Variants in BBS4 observed in about 807,000 individuals in gnomAD.
BBS4 encodes the protein BBSome complex member BBS4.
A neutral mutation model predicts 71.4 loss-of-function variants in BBS4; 58 were observed. That is an observed-to-expected ratio of 0.81 (90% CI 0.66 to 1.01). The LOEUF (loss-of-function observed/expected upper bound fraction) is 1.01. Among genes scored for constraint, BBS4 ranks in the 50% least tolerant of loss-of-function variants. The pLI is 0.00. For missense variants in BBS4, 660 were observed against 607.9 expected (o/e 1.09, Z -0.90); for synonymous variants, 228 against 216.8 (o/e 1.05, Z -0.46).
chr15:72,733,461 G>C (rs1465138643), intron 12 of BBS4, among the ~76,000 whole-genome samples: 1 of 152,098 alleles, frequency 6.6e-6, no homozygotes, highest in Non-Finnish European at 1.5e-5. Context: ...GTAAGCTCCA[G>C]TGTCTGTTTC....
chr15:72,703,604 T>C (rs1041434014), intron 2 of BBS4, among the ~76,000 whole-genome samples: 1 of 152,132 alleles, frequency 6.6e-6, no homozygotes, highest in Non-Finnish European at 1.5e-5. Context: ...GGGGGATAAA[T>C]GGAGGCCCAG....
At chr15:72,705,722 G>A (rs2065253608) in intron 2 of BBS4, among the ~76,000 whole-genome samples, 1 of 149,990 alleles carries the variant, frequency 6.7e-6, no homozygotes, top group Non-Finnish European at 1.5e-5. Context: ...CTCCTGAGTA[G>A]CTGGGACTAC....
intron 1 of BBS4, 110 bp from the exon 2 acceptor site, chr15:72,695,067 A>C (rs1221144210): frequency 1.3e-6 from 1 of 754,074 alleles, no homozygotes; most frequent in Non-Finnish European, 2.3e-6. Context: ...GATTTAATGG[A>C]TTAATTGCAT....
chr15:72,723,391 A>G (rs559943667), intron 7 of BBS4, among the ~76,000 whole-genome samples: 77 of 152,364 alleles, frequency 5.1e-4, no homozygotes, highest in Admixed American at 8.5e-4. Context: ...GCTTACCTCA[A>G]ATTTGGTACT....
At chr15:72,716,743 T>TA in intron 5 of BBS4, 35 bp from the exon 6 acceptor site, 1 of 1,470,606 alleles carries the variant, frequency 6.8e-7, no homozygotes, top group Non-Finnish European at 9.5e-7. Context: ...CTAAGAATTT[T>TA]GAGGTAATAA....
chr15:72,724,134 GA>G (rs1293207162), intron 7 of BBS4, among the ~76,000 whole-genome samples: 1 of 152,168 alleles, frequency 6.6e-6, no homozygotes, highest in East Asian at 1.9e-4. Context: ...CATTGATGGG[GA>G]AACCTGGCCC....
intron 1 of BBS4, among the ~76,000 whole-genome samples, chr15:72,688,430 T>TTTTTTC: frequency 6.9e-6 from 1 of 144,604 alleles, no homozygotes; most frequent in South Asian, 2.2e-4. Context: ...TTTTTTTTTT[T>TTTTTTC]TGAGACGGAG....
chr15:72,715,322 A>G lies in BBS4; in HGVS notation c.252A>G (p.Gln84=). The G allele has an allele frequency of 6.2e-7, 1 of 1,613,882 alleles. No individual in the cohort carries two copies. The highest frequency in any genetic ancestry group is 1.3e-5 in the African/African-American group (1 of 75,044). ...ALIFRLEGNI[Q]ESLELFQTCA... is the part of the protein sequence containing the mutation. The stretch of plus-strand genomic sequence containing the variant: ...TATTTCGCCTAGAAGGAAATATCCA[A>G]GAATCCCTAGAACTCTTCCAGACAT... The change falls in exon 5 of 16, where the codon CAA becomes CAG. Residue 84 remains glutamine (Q), a synonymous_variant. Coordinates refer to ENST00000268057, the MANE Select transcript of BBS4 (RefSeq NM_033028.5).
intron 6 of BBS4, among the ~76,000 whole-genome samples, chr15:72,721,424 T>C (rs2065573596): frequency 6.6e-6 from 1 of 152,084 alleles, no homozygotes; most frequent in African/African-American, 2.4e-5. Context: ...CCTAATTCTG[T>C]CTGCACTTAC....
chr15:72,687,123 A>ATTTTTTTTTTTTTTTTTTTTTTTT lies in BBS4; in HGVS notation c.24+872_24+873insTTTTTTTTTTTTTTTTTTTTTTTT, dbSNP rs1491389178. 1.7e-4 allele frequency among the ~76,000 whole-genome samples: 2 copies of ATTTTTTTTTTTTTTTTTTTTTTTT among 11,982 alleles called. 1 individual carries two copies. The highest frequency in any genetic ancestry group is 3.1e-4 in the African/African-American group (2 of 6,472). 7.9% of individuals were successfully genotyped at this position (11,982 alleles called of 152,430 possible). A position where few individuals can be genotyped will look rare whatever the true frequency, so the allele number is the denominator to read the frequency against. On this transcript the variant is annotated intron_variant, in intron 1 of 15. Coordinates refer to ENST00000268057, the MANE Select transcript of BBS4 (RefSeq NM_033028.5). ...TAATTAGAAAACTCTGAAGACAGAA[A>ATTTTTTTTTTTTTTTTTTTTTTTT]CTTTTTTTTTTGAGACGGAGTGTCG...
At chr15:72,709,559 A>T in intron 2 of BBS4, 141 bp from the exon 3 acceptor site, 5 of 691,526 alleles carry the variant, frequency 7.2e-6, no homozygotes, top group Non-Finnish European at 1.0e-5. Flanking sequence ...TTGATGCACT[A>T]TAATATATTA....
chr15:72,738,407 T>G lies in BBS4; in HGVS notation c.*820T>G, dbSNP rs1278483504. 5.0e-6 allele frequency: 2 copies of G among 397,956 alleles called. No individual in the cohort carries two copies. Among genetic ancestry groups the G allele is most frequent in the African/African-American group, 2.1e-5 (1 of 47,592 alleles). The allele number at this position is 397,956 out of a possible 1,614,324, so 24.7% of individuals were successfully genotyped here. On this transcript the variant is annotated 3_prime_UTR_variant, in exon 16 of 16. Coordinates refer to ENST00000268057, the MANE Select transcript of BBS4 (RefSeq NM_033028.5). The stretch of plus-strand genomic sequence containing the variant: ...TAGAATAAAGATTACATATCATCAT[T>G]CCTTTGGGGAAAATTGTTATTCAGG...
At chr15:72,707,851 A>AT (rs1346105660) in intron 2 of BBS4, among the ~76,000 whole-genome samples, 1 of 152,066 alleles carries the variant, frequency 6.6e-6, no homozygotes, top group East Asian at 1.9e-4. Flanking sequence ...ACTCAACTAG[A>AT]TTTTTTTCAT....
intron 1 of BBS4, chr15:72,686,500 G>T (rs1439241196): frequency 6.6e-7 from 1 of 1,521,154 alleles, no homozygotes; most frequent in Admixed American, 2.0e-5. Flanking sequence ...ACGGAGAAGG[G>T]AGACTTTTCA....
At chr15:72,692,211 C>A (rs1001123628) in intron 1 of BBS4, among the ~76,000 whole-genome samples, 1 of 150,390 alleles carries the variant, frequency 6.6e-6, no homozygotes, top group African/African-American at 2.5e-5. Context: ...TTATTACTTA[C>A]AGGAAACTAT....
intron 4 of BBS4, among the ~76,000 whole-genome samples, chr15:72,713,657 A>G (rs1387071193): frequency 6.6e-6 from 1 of 152,230 alleles, no homozygotes; most frequent in Non-Finnish European, 1.5e-5. Flanking sequence ...GTAATTGTAT[A>G]TGCTGTACTT....
In BBS4 at chr15:72,710,195, GTTTTT is replaced by G. The variant is rs66684005; in HGVS notation, c.156+437_156+441del. On this transcript the variant is annotated intron_variant, in intron 3 of 15. Transcript: ENST00000268057. ...TAGATGAAAAATGGTATTTTGTCGA[GTTTTT>G]TTTTTTTTTTTTTTTTTTTTGAGAT... is the stretch of plus-strand genomic sequence containing the variant. Among the ~76,000 whole-genome samples the G allele has an allele frequency of 1.5e-3, 157 of 103,442 alleles. 6 individuals are homozygous for G. Among genetic ancestry groups the G allele is most frequent in the African/African-American group, 3.3e-3 (90 of 27,242 alleles). The allele number at this position is 103,442 out of a possible 152,430, so 67.9% of individuals were successfully genotyped here.
At chr15:72,719,154 A>G (rs1182903509) in intron 6 of BBS4, among the ~76,000 whole-genome samples, 1 of 152,016 alleles carries the variant, frequency 6.6e-6, no homozygotes, top group Non-Finnish European at 1.5e-5. Flanking sequence ...GGCCAGGATC[A>G]TGGGGGTGGC....
chr15:72,733,321 T>G (rs1271453804), intron 12 of BBS4, among the ~76,000 whole-genome samples: 2 of 143,678 alleles, frequency 1.4e-5, no homozygotes, highest in African/African-American at 5.2e-5. Flanking sequence ...TATTTTAGGT[T>G]CAGGGGTACA....
Sources: allele counts gnomAD v4.1 joint callset (sites outside exome capture counted in the v4.1 genomes callset), GRCh38; gene constraint gnomAD v4.1.1; transcripts MANE v1.5; gene names NCBI Gene and HGNC (gene_info 2026-07-23, HGNC 2026-07-21).